Variants in QRICH2 observed in about 807,000 individuals in gnomAD.
The protein encoded by QRICH2 is glutamine-rich protein 2.
Under a neutral mutation model 168.3 loss-of-function variants are expected in QRICH2, and 119 were observed. The ratio of observed to expected loss-of-function variants is 0.71; its 90% CI spans 0.61 to 0.82. QRICH2 has a LOEUF of 0.82. Among genes scored for constraint, QRICH2 ranks in the 40% least tolerant of loss-of-function variants. The pLI is 0.00. For missense variants in QRICH2, 2,241 were observed against 2,491.6 expected, an observed-to-expected ratio of 0.90 and a Z score of 2.14; for synonymous variants, 894 against 951.2, an observed-to-expected ratio of 0.94 and a Z score of 1.11.
chr17:76,281,952 G>A lies in QRICH2; in HGVS notation c.4175C>T (p.Thr1392Met), dbSNP rs574195863. The A allele has an allele frequency of 3.2e-5, 52 of 1,613,820 alleles. No individual in the cohort carries two copies. Among genetic ancestry groups the A allele is most frequent in the East Asian group, 8.9e-5 (4 of 44,884 alleles). Residue 1392 changes from threonine (T) to methionine (M), a missense_variant, in exon 8 of 19, where the codon ACG (threonine) becomes ATG (methionine). Transcript: ENST00000680821. The surrounding 1 kb of genome is among the most constrained non-coding windows in gnomAD (Gnocchi z 4.4). ...CSLDVSHQVSTLVRRYEQLQD... is the reference protein window; with the variant it reads ...CSLDVSHQVSMLVRRYEQLQD... ...GAGTTGCTCATAGCGCCGCACCAGC[G>A]TGCTGACCTGATGGCTCACATCCAG... is the stretch of plus-strand genomic sequence containing the variant.
rs533100119 is a variant in QRICH2 at position 76,307,635 on chromosome 17, C to T, written c.364G>A (p.Gly122Ser). The T allele has an allele frequency of 6.6e-7, 1 of 1,503,960 alleles. No homozygotes were observed. The highest frequency in any genetic ancestry group is 1.4e-5 in the African/African-American group (1 of 72,168). 93.2% of individuals were successfully genotyped at this position (1,503,960 alleles called of 1,614,324 possible). ...DLSKQLKRVD[G>S]QVQGIATHVQ... ...TGCGTGGCGATGCCCTGCACCTGGC[C>T]GTCCACACGCTTGAGCTGCTTGCTC... Residue 122 changes from glycine to serine, a missense_variant, in exon 1 of 19, where the codon GGC becomes AGC. By Grantham distance (56) the Gly-to-Ser change is moderately conservative. Coordinates refer to ENST00000680821, the MANE Select transcript of QRICH2 (RefSeq NM_001388453.1). The surrounding 1 kb of genome is among the most constrained non-coding windows in gnomAD (Gnocchi z 5.3).
intron 7 of QRICH2, among the ~76,000 whole-genome samples, 174 bp from the exon 8 acceptor site, chr17:76,282,289 G>A (rs755814184): frequency 1.8e-4 from 27 of 152,208 alleles, no homozygotes; most frequent in Non-Finnish European, 3.5e-4. Flanking sequence ...TCCAGTAAAC[G>A]GTGAGTAGAG....
chr17:76,280,716 C>A lies in QRICH2; in HGVS notation c.4399G>T (p.Gly1467Cys). Residue 1467 changes from glycine (G) to cysteine (C), a missense_variant, in exon 10 of 19, where the codon GGT becomes TGT. Gly to Cys is a radical substitution (Grantham distance 159). Around this residue, in one of 3 missense-constraint regions of QRICH2, gnomAD observed 2,047 missense variants for 2,303.8 expected, o/e 0.89. Coordinates refer to ENST00000680821, the MANE Select transcript of QRICH2 (RefSeq NM_001388453.1). This position sits in a 1 kb window ranked among gnomAD's most constrained non-coding sequence, Gnocchi z 7.4. ...KQKDIAMLYQ[G>C]LEKLEKEKAN... The stretch of plus-strand genomic sequence containing the variant: ...TTTTCCTTTTCGAGCTTCTCCAGAC[C>A]CTGGTACAGCATCTGGGGAGGCCAA... The A allele has an allele frequency of 6.2e-7, 1 of 1,614,134 alleles. No homozygotes were observed.
In QRICH2 at chr17:76,280,205, G is replaced by A; in HGVS notation, c.4627-51C>T. On this transcript the variant is annotated intron_variant, in intron 11 of 18. Transcript: ENST00000680821. This position sits in a 1 kb window ranked among gnomAD's most constrained non-coding sequence, Gnocchi z 7.4. ...GGACCTCTAAGGAAGCAGGTAGGGG[G>A]CTGACCCAGGAGAAGGTGGTGCTGT... 1 of 1,607,424 alleles carries A rather than the reference G, an allele frequency of 6.2e-7. No homozygotes were observed. Among genetic ancestry groups the A allele is most frequent in the Non-Finnish European group, 8.5e-7 (1 of 1,175,900 alleles).
chr17:76,297,552 A>G lies in QRICH2; in HGVS notation c.706-3531T>C, dbSNP rs996201886. Among the ~76,000 whole-genome samples, 9 of 152,276 alleles carry G rather than the reference A, an allele frequency of 5.9e-5. No homozygotes were observed. In the South Asian group the frequency reaches 1.7e-3, roughly 28 times the overall value. ...AAATATGTACCATCCAATGCAGGAAAAGTCACAATGGCTGGCACCTGATCA... is the reference window on the plus strand; with the variant it reads ...AAATATGTACCATCCAATGCAGGAAGAGTCACAATGGCTGGCACCTGATCA... On this transcript the variant is annotated intron_variant, in intron 3 of 18. Coordinates refer to ENST00000680821, the MANE Select transcript of QRICH2 (RefSeq NM_001388453.1).
chr17:76,295,473 G>A (rs1358362211), intron 3 of QRICH2, among the ~76,000 whole-genome samples: 1 of 151,962 alleles, frequency 6.6e-6, no homozygotes, highest in Non-Finnish European at 1.5e-5. Context: ...TGGCCAACAT[G>A]GTGAAACCTG....
intron 5 of QRICH2, among the ~76,000 whole-genome samples, chr17:76,289,676 G>A (rs981240295): frequency 2.0e-5 from 3 of 151,052 alleles, no homozygotes; most frequent in South Asian, 2.2e-4. Flanking sequence ...GGTGGCTCAC[G>A]CCTGTAATCC....
intron 13 of QRICH2, 78 bp from the exon 14 acceptor site, chr17:76,279,220 CT>C: frequency 7.3e-7 from 1 of 1,378,950 alleles, no homozygotes. Context: ...CCTAAAGAAC[CT>C]TCCCACCCGC....
At position 76,307,631 on chromosome 17, in the gene QRICH2, T is replaced by C. The variant is rs1598509353; in HGVS notation, c.368A>G (p.Gln123Arg). 6.6e-7 allele frequency: 1 copy of C among 1,508,784 alleles called. No individual in the cohort carries two copies. Among genetic ancestry groups the C allele is most frequent in the South Asian group, 1.3e-5 (1 of 77,928 alleles). 93.5% of individuals were successfully genotyped at this position (1,508,784 alleles called of 1,614,324 possible). The change falls in exon 1 of 19, where the codon CAG (glutamine) becomes CGG (arginine). Residue 123 changes from glutamine (Q) to arginine (R), a missense_variant. Gln to Arg is a conservative substitution (Grantham distance 43, BLOSUM62 1). This residue lies in a region of QRICH2 where 2,047 missense variants were observed against 2,303.8 expected (regional missense o/e 0.89). Coordinates refer to ENST00000680821, the MANE Select transcript of QRICH2 (RefSeq NM_001388453.1). This position sits in a 1 kb window ranked among gnomAD's most constrained non-coding sequence, Gnocchi z 5.3. ...CACGTGCGTGGCGATGCCCTGCACC[T>C]GGCCGTCCACACGCTTGAGCTGCTT... Reference protein sequence around the residue: ...LSKQLKRVDGQVQGIATHVQH... With the variant: ...LSKQLKRVDGRVQGIATHVQH...
chr17:76,286,243 C>T (rs968718778), intron 7 of QRICH2, among the ~76,000 whole-genome samples: 6 of 151,934 alleles, frequency 3.9e-5, no homozygotes, highest in Non-Finnish European at 7.4e-5. Context: ...ATGGAAACAA[C>T]CCAGATGTCT....
chr17:76,290,533 A>T (rs1292472183), intron 4 of QRICH2, among the ~76,000 whole-genome samples: 1 of 150,200 alleles, frequency 6.7e-6, no homozygotes, highest in Non-Finnish European at 1.5e-5. Flanking sequence ...GGTGTGTGCC[A>T]CCACGCCTGG....
chr17:76,304,462 C>T lies in QRICH2; in HGVS notation c.658G>A (p.Glu220Lys), dbSNP rs777904494. The change falls in exon 3 of 19, where the codon GAA becomes AAA. Residue 220 changes from glutamate (E) to lysine (K), a missense_variant. By Grantham distance (56) the Glu-to-Lys change is moderately conservative (BLOSUM62 1). Transcript: ENST00000680821. ...TCCGTAATCGCCTGCTCCAGCTCTTCCCAGGTGACCATGGTGACTTCTTCT... is the reference window on the plus strand; with the variant it reads ...TCCGTAATCGCCTGCTCCAGCTCTTTCCAGGTGACCATGGTGACTTCTTCT... ...GAEEVTMVTW[E>K]ELEQAITDGW... 1 of 1,613,862 alleles carries T rather than the reference C, an allele frequency of 6.2e-7. No homozygotes were observed. Among genetic ancestry groups the T allele is most frequent in the Middle Eastern group, 1.6e-4 (1 of 6,062 alleles).
intron 4 of QRICH2, 26 bp from the exon 5 acceptor site, chr17:76,290,103 C>CAG (rs1162168768): frequency 1.3e-6 from 2 of 1,570,136 alleles, no homozygotes; most frequent in Non-Finnish European, 1.7e-6. Flanking sequence ...GCCTTATGAT[C>CAG]AGAGGGGTTA....
intron 3 of QRICH2, among the ~76,000 whole-genome samples, chr17:76,303,176 G>A (rs1488912576): frequency 6.6e-6 from 1 of 152,168 alleles, no homozygotes; most frequent in South Asian, 2.1e-4. Context: ...GAGCCACCGC[G>A]CCCGGCCCCT....
At chr17:76,308,419 C>A (rs781538236), upstream of QRICH2, 9 of 985,394 alleles carry the variant, frequency 9.1e-6, no homozygotes, top group Non-Finnish European at 9.6e-6. Flanking sequence ...CTCCTAAGAT[C>A]CAGCTAGACT....
Position 76,298,340 on chromosome 17 carries a change from G to A in QRICH2, c.706-4319C>T, listed in dbSNP as rs550577016. Among the ~76,000 whole-genome samples, 145 of 150,980 alleles carry A rather than the reference G, an allele frequency of 9.6e-4. 1 individual carries two copies. The highest frequency in any genetic ancestry group is 2.9e-3 in the African/African-American group (121 of 41,100). ...ACTACAGGCGCCCACCACCACGCCC[G>A]GATAATTTTTTTGTATTTTTAGTAG... On this transcript the variant is annotated intron_variant, in intron 3 of 18. Transcript: ENST00000680821.
In QRICH2 at chr17:76,274,271, G is replaced by A. The variant is rs771511073; in HGVS notation, c.5483-11C>T. 67 of 1,571,572 alleles carry A rather than the reference G, an allele frequency of 4.3e-5. No homozygotes were observed. In the South Asian group the frequency reaches 7.5e-4, roughly 17 times the overall value. On this transcript the variant is annotated splice_polypyrimidine_tract_variant and intron_variant, in intron 18 of 18. Transcript: ENST00000680821. ...GTTGACGAGAAGAAACTGTAAGACA[G>A]GGGTGCTGAGGTTGCTCAACACATT...
intron 17 of QRICH2, among the ~76,000 whole-genome samples, chr17:76,276,312 G>A (rs2070678546): frequency 1.3e-5 from 2 of 152,204 alleles, no homozygotes; most frequent in South Asian, 2.1e-4. Flanking sequence ...CACGGGAGGC[G>A]GGCATTCGGG....
At chr17:76,309,840 A>G (rs1352913863), upstream of QRICH2, 1 of 152,204 alleles carries the variant, frequency 6.6e-6, no homozygotes, top group Non-Finnish European at 1.5e-5. Context: ...TAACTGTACT[A>G]TTTTAACTAC....
Sources: gnomAD v4.1 joint callset for allele counts (sites outside exome capture counted in the v4.1 genomes callset) on GRCh38, gnomAD v4.1.1 for gene constraint, gnomAD v4.1.1 regional missense constraint, Gnocchi (gnomAD v3.1) non-coding constraint, MANE v1.5 for transcripts, NCBI Gene and HGNC (gene_info 2026-07-23, HGNC 2026-07-21) for gene names.